The following FGGY variants were observed in gnomAD, a reference collection of about 807,000 sequenced individuals.
FGGY encodes FGGY carbohydrate kinase domain containing, also known as FGGY carbohydrate kinase domain-containing protein.
In FGGY, 72 loss-of-function variants were observed where a neutral mutation model predicts 71.3. The ratio of observed to expected loss-of-function variants is 1.01; its 90% confidence interval spans 0.84 to 1.23. The LOEUF (loss-of-function observed/expected upper bound fraction) is 1.23. FGGY is among the 50% of genes most tolerant of loss of function. The pLI, the probability that FGGY is intolerant of heterozygous loss-of-function variation, is 0.00. For missense variants in FGGY, 668 were observed against 682.3 expected (o/e 0.98, Z 0.23); for synonymous variants, 251 against 250.3 (o/e 1.00, Z -0.02).
At chr1:59,306,891 A>T (rs1476084970) in intron 1 of FGGY, among the ~76,000 whole-genome samples, 1 of 152,228 alleles carries the variant, frequency 6.6e-6, no homozygotes, top group African/African-American at 2.4e-5. Flanking sequence ...ACTGAAATCC[A>T]TTGCAGATTA....
chr1:59,472,025 T>C (rs1168620447), intron 6 of FGGY, among the ~76,000 whole-genome samples: 3 of 152,250 alleles, frequency 2.0e-5, no homozygotes, highest in Non-Finnish European at 4.4e-5. Flanking sequence ...GCTCCCACTT[T>C]GGCGGCACTT....
rs985860391 is a variant in FGGY at position 59,449,096 on chromosome 1, C to G, written c.555-7865C>G. ...AGGCCAAAACAAAAGGAGAAAAGAT[C>G]TAATTTTAGCTGAGTTCGAGTTGCC... On this transcript the variant is annotated intron_variant, in intron 5 of 15. Transcript: ENST00000303721. Among the ~76,000 whole-genome samples, 3 of 152,172 alleles carry G rather than the reference C, an allele frequency of 2.0e-5. No homozygotes were observed. In the East Asian group the frequency reaches 5.8e-4, roughly 29 times the overall value.
intron 1 of FGGY, among the ~76,000 whole-genome samples, chr1:59,298,115 C>T (rs1379858044): frequency 1.3e-5 from 2 of 152,120 alleles, no homozygotes; most frequent in African/African-American, 4.8e-5. Context: ...GCTTGCTTTT[C>T]CTCTTTTTTT....
chr1:59,431,842 T>G (rs1259388423), intron 5 of FGGY, among the ~76,000 whole-genome samples: 1 of 152,226 alleles, frequency 6.6e-6, no homozygotes, highest in East Asian at 1.9e-4. Context: ...TTGTACTATT[T>G]AGACTTTGAC....
At chr1:59,751,913 A>G (rs898502808) in intron 14 of FGGY, among the ~76,000 whole-genome samples, 3 of 152,196 alleles carry the variant, frequency 2.0e-5, no homozygotes, top group African/African-American at 7.2e-5. Flanking sequence ...GTTAATACCT[A>G]TTAATCACTA....
At position 59,434,786 on chromosome 1, in the gene FGGY, C is replaced by A. The variant is rs185665025; in HGVS notation, c.555-22175C>A. ...TCATGACCTAATCACCTCCCAAAGCCCCCCCCACCTCCAAATACCATCACC... is the reference window on the plus strand; with the variant it reads ...TCATGACCTAATCACCTCCCAAAGCACCCCCCACCTCCAAATACCATCACC... On this transcript the variant is annotated intron_variant, in intron 5 of 15. Coordinates refer to ENST00000303721, the MANE Select transcript of FGGY (RefSeq NM_018291.5). 9.2e-5 allele frequency among the ~76,000 whole-genome samples: 14 copies of A among 152,156 alleles called. No homozygotes were observed. In the South Asian group the frequency reaches 1.5e-3, roughly 16 times the overall value.
At chr1:59,335,957 T>C (rs977190898) in intron 2 of FGGY, among the ~76,000 whole-genome samples, 3 of 152,194 alleles carry the variant, frequency 2.0e-5, no homozygotes, top group Non-Finnish European at 4.4e-5. Context: ...AGCTTGTCTT[T>C]TCGTTTTCTA....
At position 59,642,797 on chromosome 1, in the gene FGGY, C is replaced by T. The variant is rs554438210; in HGVS notation, c.1221+4422C>T. On this transcript the variant is annotated intron_variant, in intron 11 of 15. Coordinates refer to ENST00000303721, the MANE Select transcript of FGGY (RefSeq NM_018291.5). Reference sequence around the variant, plus strand: ...CTGTAATCCCAACACTTTGGGAGGCCGAAGCGGATGGATCACGAGGTCAGG... The same window carrying T: ...CTGTAATCCCAACACTTTGGGAGGCTGAAGCGGATGGATCACGAGGTCAGG... 1.4e-4 allele frequency among the ~76,000 whole-genome samples: 21 copies of T among 151,900 alleles called. No individual in the cohort carries two copies. In the East Asian group the frequency reaches 3.7e-3, roughly 27 times the overall value.
At chr1:59,718,039 G>T (rs1046581154) in intron 14 of FGGY, among the ~76,000 whole-genome samples, 1 of 152,060 alleles carries the variant, frequency 6.6e-6, no homozygotes, top group African/African-American at 2.4e-5. Flanking sequence ...ATGCAGTTTG[G>T]CCCCTGAGTC....
intron 1 of FGGY, among the ~76,000 whole-genome samples, chr1:59,305,162 T>C (rs2043268238): frequency 6.6e-6 from 1 of 152,194 alleles, no homozygotes; most frequent in South Asian, 2.1e-4. Context: ...GCTTTCGGCT[T>C]TTTGATGTTG....
chr1:59,545,398 A>T (rs1044788479), intron 7 of FGGY, among the ~76,000 whole-genome samples: 7 of 152,130 alleles, frequency 4.6e-5, no homozygotes, highest in Admixed American at 2.0e-4. Context: ...AATTTTTGTG[A>T]GTTAACTTGG....
chr1:59,493,100 C>CACACACACACACAA (rs1351904540), intron 6 of FGGY, among the ~76,000 whole-genome samples: 9 of 143,150 alleles, frequency 6.3e-5, no homozygotes, highest in Non-Finnish European at 1.3e-4. Flanking sequence ...AAACAAAACA[C>CACACACACACACAA]ACACACACAC....
chr1:59,619,643 G>T (rs762039417), intron 9 of FGGY, among the ~76,000 whole-genome samples: 31 of 152,052 alleles, frequency 2.0e-4, no homozygotes, highest in Non-Finnish European at 3.8e-4. Flanking sequence ...AATGACAGTT[G>T]CAGGGAACAA....
At chr1:59,533,706 C>T (rs1429682961) in intron 7 of FGGY, among the ~76,000 whole-genome samples, 1 of 105,790 alleles carries the variant, frequency 9.5e-6, no homozygotes, top group East Asian at 2.8e-4. Context: ...CCCGAGCAGC[C>T]TAACTGAGAG....
At chr1:59,467,852 T>G (rs190064887) in intron 6 of FGGY, among the ~76,000 whole-genome samples, 1 of 152,300 alleles carries the variant, frequency 6.6e-6, no homozygotes, top group Admixed American at 6.5e-5. Context: ...TTGATTTTTT[T>G]TAAGTCCCTT....
chr1:59,535,605 A>G (rs1005692156), intron 7 of FGGY, among the ~76,000 whole-genome samples: 1 of 151,854 alleles, frequency 6.6e-6, no homozygotes, highest in Non-Finnish European at 1.5e-5. Flanking sequence ...CAGCAAATGT[A>G]AAAGAACAGA....
At chr1:59,462,991 A>G (rs2092358611) in intron 6 of FGGY, among the ~76,000 whole-genome samples, 1 of 152,150 alleles carries the variant, frequency 6.6e-6, no homozygotes. Context: ...TCATGCTGCT[A>G]TAAAGACACA....
intron 2 of FGGY, among the ~76,000 whole-genome samples, chr1:59,332,982 C>T (rs938990902): frequency 2.0e-5 from 3 of 152,152 alleles, no homozygotes; most frequent in Admixed American, 1.3e-4. Context: ...TTTCAGACTC[C>T]ACTGATCCCA....
chr1:59,310,473 A>G (rs1054474365), intron 1 of FGGY, among the ~76,000 whole-genome samples: 1 of 152,192 alleles, frequency 6.6e-6, no homozygotes, highest in African/African-American at 2.4e-5. Flanking sequence ...TTTCCCCATT[A>G]TGGGCCTAGT....
Sources: gnomAD v4.1 joint callset for allele counts (sites outside exome capture counted in the v4.1 genomes callset) on GRCh38, gnomAD v4.1.1 for gene constraint, MANE v1.5 for transcripts, NCBI Gene and HGNC (gene_info 2026-07-23, HGNC 2026-07-21) for gene names.